Variants in HOOK2 observed in about 807,000 individuals in gnomAD.
HOOK2 encodes the protein hook microtubule tethering protein 2.
Under a neutral mutation model 111.9 loss-of-function variants are expected in HOOK2, and 108 were observed. The observed-to-expected ratio is 0.96, with a 90% CI of 0.83 to 1.13. The LOEUF (loss-of-function observed/expected upper bound fraction) is 1.13, where lower values mean the gene tolerates loss of function less well. Ranked by LOEUF, HOOK2 falls within the 50% of genes most tolerant of loss-of-function variation. The pLI, the probability that HOOK2 is intolerant of heterozygous loss-of-function variation, is 0.00. For missense variants in HOOK2, 978 were observed against 951.3 expected (o/e 1.03, Z -0.37); for synonymous variants, 405 against 394.3 (o/e 1.03, Z -0.32).
upstream of HOOK2, among the ~76,000 whole-genome samples, chr19:12,783,068 A>C (rs909584298): frequency 2.6e-5 from 4 of 152,060 alleles, no homozygotes; most frequent in East Asian, 1.9e-4. Context: ...GACTCAGGCC[A>C]GCCCGGGGGT....
rs764678872 is a variant in HOOK2, at chr19:12,764,871, G to A, written c.1770C>T (p.Asp590=). The A allele has an allele frequency of 1.1e-5, 17 of 1,613,966 alleles. No individual in the cohort carries two copies. The highest frequency in any genetic ancestry group is 5.3e-5 in the African/African-American group (4 of 74,922). The change falls in exon 20 of 23, where the codon GAC becomes GAT. Residue 590 remains aspartate, a synonymous_variant. Transcript: ENST00000397668. ...EELQHNLQKK[D]ADLRAMEERY... ...GCTCCTCCATGGCCCGCAAGTCCGC[G>A]TCCTTCTTCTGCAAGTTATGCTGCA... is the stretch of plus-strand genomic sequence containing the variant.
Position 12,791,736 on chromosome 19 carries a change from C to G in HOOK2, n.42-17511G>C. 1 of 1,515,232 alleles carries G rather than the reference C, an allele frequency of 6.6e-7. No individual in the cohort carries two copies. The highest frequency in any genetic ancestry group is 1.2e-5 in the South Asian group (1 of 82,382). 93.9% of individuals were successfully genotyped at this position (1,515,232 alleles called of 1,614,324 possible). A position where few individuals can be genotyped will look rare whatever the true frequency, so the allele number is the denominator to read the frequency against. On this transcript the variant is annotated intron_variant and non_coding_transcript_variant, in intron 3 of 3. Transcript: ENST00000589765. This position sits in a 1 kb window ranked among gnomAD's most constrained non-coding sequence, Gnocchi z 7.0. The stretch of plus-strand genomic sequence containing the variant: ...GCTGCAGCGAGGCCCGGAGCGGCCC[C>G]GCAGGGACCCTCCCCAGACCGCCTG...
chr19:12,768,455 T>C (rs922483968), intron 11 of HOOK2, among the ~76,000 whole-genome samples: 2 of 152,164 alleles, frequency 1.3e-5, no homozygotes, highest in Admixed American at 1.3e-4. Flanking sequence ...TGCAATGAAT[T>C]AGTCTTCAAT....
intron 14 of HOOK2, among the ~76,000 whole-genome samples, chr19:12,767,131 G>A (rs1267318568): frequency 1.3e-5 from 2 of 152,200 alleles, no homozygotes; most frequent in African/African-American, 4.8e-5. Context: ...AGTCAGCGGG[G>A]CTAGGGCATA....
rs1968363837 is a variant in HOOK2, at chr19:12,772,392, C to T, written c.457-140G>A. ...ATAACCCCAGCCCAGAGGCTGCCCT[C>T]CTGCCTCCAACACAGAGGGAAGCCA... is the stretch of plus-strand genomic sequence containing the variant. On this transcript the variant is annotated intron_variant, in intron 6 of 22. Coordinates refer to ENST00000397668, the MANE Select transcript of HOOK2 (RefSeq NM_013312.3). 4.6e-6 allele frequency: 5 copies of T among 1,081,960 alleles called. 1 individual carries two copies. The South Asian group carries it at 6.7e-5, about 15-fold the overall frequency. 67.0% of individuals were successfully genotyped at this position (1,081,960 alleles called of 1,614,324 possible).
chr19:12,776,346 A>G (rs1968508887), upstream of HOOK2, among the ~76,000 whole-genome samples: 1 of 151,460 alleles, frequency 6.6e-6, no homozygotes, highest in African/African-American at 2.4e-5. Flanking sequence ...AGGAGGGAGA[A>G]TTAATTTGGA....
chr19:12,782,895 C>CA (rs1968621066), upstream of HOOK2, among the ~76,000 whole-genome samples: 2 of 150,672 alleles, frequency 1.3e-5, no homozygotes, highest in African/African-American at 5.0e-5. Flanking sequence ...ACCCCCCCCC[C>CA]AGTTGCCATG....
rs538215946 is a variant in HOOK2, at chr19:12,790,447, G to A, written n.42-16222C>T. 4.3e-3 allele frequency among the ~76,000 whole-genome samples: 648 copies of A among 152,352 alleles called. 19 individuals are homozygous for A. Among genetic ancestry groups the A allele is most frequent in the Middle Eastern group, 3.4e-3 (1 of 294 alleles). On this transcript the variant is annotated intron_variant and non_coding_transcript_variant, in intron 3 of 3. Transcript: ENST00000589765. This position sits in a 1 kb window ranked among gnomAD's most constrained non-coding sequence, Gnocchi z 7.2. ...GGCTCTAGGAGCCGACACGGTGTTG[G>A]GCAAAGCCCAGGGTCAATAGGGGAG...
In HOOK2 at chr19:12,763,254, G is replaced by T; in HGVS notation, c.*28C>A. ...GCTGGAGGAAGCCAGGGTGGGTGGAGCCCAGGCTGGCTTGATTGTGAGGTC... is the reference window on the plus strand; with the variant it reads ...GCTGGAGGAAGCCAGGGTGGGTGGATCCCAGGCTGGCTTGATTGTGAGGTC... On this transcript the variant is annotated 3_prime_UTR_variant, in exon 23 of 23. Coordinates refer to ENST00000397668, the MANE Select transcript of HOOK2 (RefSeq NM_013312.3). 6.2e-7 allele frequency: 1 copy of T among 1,604,186 alleles called. No individual in the cohort carries two copies. Among genetic ancestry groups the T allele is most frequent in the Non-Finnish European group, 8.5e-7 (1 of 1,173,406 alleles).
At chr19:12,787,340 C>G (rs1968667490) in intron 3 of HOOK2, 1 of 151,978 alleles carries the variant, frequency 6.6e-6, no homozygotes, top group Admixed American at 6.6e-5. Flanking sequence ...TCAAAAATTT[C>G]TGGGCTAGGG....
upstream of HOOK2, among the ~76,000 whole-genome samples, chr19:12,777,564 G>C (rs563286391): frequency 1.1e-3 from 163 of 152,354 alleles, 1 homozygote; most frequent in Middle Eastern, 3.4e-3. Flanking sequence ...CCTAGGTCGA[G>C]AAGAGGTCAG....
At chr19:12,776,414 G>A (rs1192273853), upstream of HOOK2, among the ~76,000 whole-genome samples, 1 of 151,740 alleles carries the variant, frequency 6.6e-6, no homozygotes, top group Non-Finnish European at 1.5e-5. Flanking sequence ...GGTAGCGGTG[G>A]CTCACGCCTG....
chr19:12,777,661 C>T (rs1220186408), upstream of HOOK2, among the ~76,000 whole-genome samples: 2 of 152,206 alleles, frequency 1.3e-5, no homozygotes, highest in Non-Finnish European at 2.9e-5. Flanking sequence ...GCCTTGCCCT[C>T]CCCAGATGCG....
chr19:12,775,027 G>A (rs1159623538), intron 1 of HOOK2, 130 bp from the exon 2 acceptor site: 6 of 1,118,960 alleles, frequency 5.4e-6, no homozygotes, highest in Admixed American at 4.3e-5. Context: ...CAGCAGCTCT[G>A]CGAGGGACTG....
Position 12,765,933 on chromosome 19 carries a change from A to G in HOOK2, c.1593T>C (p.Thr531=), listed in dbSNP as rs1168896875. 1 of 1,613,998 alleles carries G rather than the reference A, an allele frequency of 6.2e-7. No individual in the cohort carries two copies. Among genetic ancestry groups the G allele is most frequent in the East Asian group, 2.2e-5 (1 of 44,884 alleles). Residue 531 remains threonine (T), a synonymous_variant, in exon 16 of 23, where the codon ACT becomes ACC. Transcript: ENST00000397668. ...GGTGGTGGGTGACACTCACATCTTC[A>G]GTCTTGCCCCCCTGCTCCTGCAGGG... The part of the protein sequence containing the change: ...QKALQEQGGK[T]EDAISILLKR...
chr19:12,784,786 C>G (rs62108404), intron 3 of HOOK2: 2,420 of 152,496 alleles, frequency 0.016, 27 homozygotes, highest in Non-Finnish European at 0.025. Flanking sequence ...GAAGGCAACA[C>G]ACACACACCC....
intron 3 of HOOK2, among the ~76,000 whole-genome samples, chr19:12,773,410 G>A (rs1286110411): frequency 6.6e-6 from 1 of 151,538 alleles, no homozygotes; most frequent in Non-Finnish European, 1.5e-5. Context: ...CACCACAATC[G>A]ACTACTTTTT....
Position 12,772,900 on chromosome 19 carries a change from G to T in HOOK2, c.268C>A (p.Pro90Thr). Residue 90 changes from proline (P) to threonine (T), a missense_variant, in exon 5 of 23, where the codon CCT becomes ACT. Physicochemically the swap from Pro to Thr is conservative, Grantham distance 38. Coordinates refer to ENST00000397668, the MANE Select transcript of HOOK2 (RefSeq NM_013312.3). ...TCTGGGAGATGCTCTTCTGACACAG[G>T]ATGCGCCAGGACCTGGGGAGAAGGG... Reference protein sequence around the residue: ...VEYSQDVLAHPVSEEHLPDVS... With the variant: ...VEYSQDVLAHTVSEEHLPDVS... 6.2e-7 allele frequency: 1 copy of T among 1,614,200 alleles called. No homozygotes were observed. The highest frequency in any genetic ancestry group is 8.5e-7 in the Non-Finnish European group (1 of 1,180,052).
chr19:12,770,872 C>A, intron 10 of HOOK2, 60 bp downstream of exon 10: 1 of 1,540,778 alleles, frequency 6.5e-7, no homozygotes, highest in South Asian at 1.2e-5. Flanking sequence ...CAGAGGGGAA[C>A]TCTGGAAACA....
Sources: allele counts gnomAD v4.1 joint callset (sites outside exome capture counted in the v4.1 genomes callset), GRCh38; gene constraint gnomAD v4.1.1; non-coding constraint Gnocchi (gnomAD v3.1); transcripts MANE v1.5; gene names NCBI Gene and HGNC (gene_info 2026-07-23, HGNC 2026-07-21).